The following GREM2 variants were observed in gnomAD, a reference collection of about 807,000 sequenced individuals.
GREM2 encodes gremlin 2, DAN family BMP antagonist.
GREM2 carries 11 observed loss-of-function variants against 14.2 expected under a neutral mutation model. That is an observed-to-expected ratio of 0.78 (90% CI 0.49 to 1.28). The LOEUF is 1.28. Among genes scored for constraint, GREM2 ranks in the 50% most tolerant of loss-of-function variants. GREM2 has a pLI of 0.00. For missense variants in GREM2, 210 were observed against 218.5 expected, an observed-to-expected ratio of 0.96 and a Z score of 0.24; for synonymous variants, 98 against 97.6, an observed-to-expected ratio of 1.00 and a Z score of -0.02.
intron 1 of GREM2, among the ~76,000 whole-genome samples, chr1:240,610,677 G>A (rs1006501719): frequency 6.6e-6 from 1 of 152,224 alleles, no homozygotes; most frequent in African/African-American, 2.4e-5. Flanking sequence ...AATTATCAGT[G>A]AATGGTTTGG....
chr1:240,553,416 C>A (rs1678894479), intron 1 of GREM2, among the ~76,000 whole-genome samples: 1 of 152,130 alleles, frequency 6.6e-6, no homozygotes, highest in African/African-American at 2.4e-5. Context: ...ATACAAATTT[C>A]TTTTGATATC....
chr1:240,533,936 T>A (rs957915898), intron 1 of GREM2, among the ~76,000 whole-genome samples: 3 of 152,198 alleles, frequency 2.0e-5, no homozygotes, highest in Admixed American at 1.3e-4. Flanking sequence ...GGAAAAATGT[T>A]ACTACTATTA....
chr1:240,593,018 C>T (rs1470987941), intron 1 of GREM2, among the ~76,000 whole-genome samples: 1 of 151,880 alleles, frequency 6.6e-6, no homozygotes, highest in South Asian at 2.1e-4. Flanking sequence ...GTAGTGGGCG[C>T]CTGTAATCCT....
chr1:240,580,263 G>A (rs940185469), intron 1 of GREM2, among the ~76,000 whole-genome samples: 1 of 152,096 alleles, frequency 6.6e-6, no homozygotes, highest in Non-Finnish European at 1.5e-5. Context: ...TTTTAAAGGT[G>A]CATGTTAATC....
intron 1 of GREM2, among the ~76,000 whole-genome samples, chr1:240,609,453 A>T (rs1571957486): frequency 6.6e-6 from 1 of 152,126 alleles, no homozygotes; most frequent in Middle Eastern, 3.4e-3. Context: ...ATTAGAAACA[A>T]AAGAACTATC....
At position 240,493,317 on chromosome 1, in the gene GREM2, C is replaced by T; in HGVS notation, c.159G>A (p.Leu53=). The change falls in exon 2 of 2, where the codon CTG becomes CTA. Residue 53 remains leucine (L), a synonymous_variant. Coordinates refer to ENST00000318160, the MANE Select transcript of GREM2 (RefSeq NM_022469.4). ...ERWQHQIKEV[L]ASSQEALVVT... ...CCACCAGGGCCTCCTGGCTGGAGGC[C>T]AGCACCTCCTTGATCTGGTGCTGCC... 2 of 1,614,058 alleles carry T rather than the reference C, an allele frequency of 1.2e-6. No individual in the cohort carries two copies. Among genetic ancestry groups the T allele is most frequent in the East Asian group, 2.2e-5 (1 of 44,822 alleles).
At chr1:240,525,242 T>G (rs1678195359) in intron 1 of GREM2, among the ~76,000 whole-genome samples, 1 of 152,154 alleles carries the variant, frequency 6.6e-6, no homozygotes, top group African/African-American at 2.4e-5. Flanking sequence ...GTGCTGTGTC[T>G]CCATGTAGGG....
chr1:240,516,705 G>C lies in GREM2; in HGVS notation c.-1-23229C>G, dbSNP rs74531118. Among the ~76,000 whole-genome samples the C allele has an allele frequency of 4.4e-4, 67 of 151,346 alleles. 1 individual carries two copies. The East Asian group carries it at 7.7e-3, about 17-fold the overall frequency. On this transcript the variant is annotated intron_variant, in intron 1 of 1. Coordinates refer to ENST00000318160, the MANE Select transcript of GREM2 (RefSeq NM_022469.4). ...CAACAACAAAAATCACCTACCTCCT[G>C]ATTTGTATTATTTCCCAATTATGAG...
At position 240,492,197 on chromosome 1, in the gene GREM2, T is replaced by C. The variant is rs938966004; in HGVS notation, c.*772A>G. The C allele has an allele frequency of 2.2e-6, 1 of 452,928 alleles. No homozygotes were observed. Among genetic ancestry groups the C allele is most frequent in the Middle Eastern group, 3.3e-4 (1 of 3,074 alleles). 28.1% of individuals were successfully genotyped at this position (452,928 alleles called of 1,614,324 possible). A position where few individuals can be genotyped will look rare whatever the true frequency, so the allele number is the denominator to read the frequency against. On this transcript the variant is annotated 3_prime_UTR_variant, in exon 2 of 2. Transcript: ENST00000318160. ...ATATAGAGACCTTTGTGTGTGATAA[T>C]ATTCTAATTGCAGCAATAATAGCAT...
At chr1:240,568,127 T>G (rs1679200394) in intron 1 of GREM2, among the ~76,000 whole-genome samples, 1 of 151,888 alleles carries the variant, frequency 6.6e-6, no homozygotes, top group Non-Finnish European at 1.5e-5. Context: ...AAAATAAAAA[T>G]AACGTATTGT....
At chr1:240,597,902 T>C (rs1679851555) in intron 1 of GREM2, among the ~76,000 whole-genome samples, 1 of 152,192 alleles carries the variant, frequency 6.6e-6, no homozygotes, top group Non-Finnish European at 1.5e-5. Context: ...TTTACACAGA[T>C]GGAAAATATA....
chr1:240,545,624 TC>T (rs1678701059), intron 1 of GREM2, among the ~76,000 whole-genome samples: 1 of 152,168 alleles, frequency 6.6e-6, no homozygotes, highest in South Asian at 2.1e-4. Flanking sequence ...AGCCCTCCCC[TC>T]ACCCTATGGG....
chr1:240,575,899 T>G (rs1310496707), intron 1 of GREM2, among the ~76,000 whole-genome samples: 3 of 113,224 alleles, frequency 2.6e-5, no homozygotes, highest in Non-Finnish European at 5.0e-5. Context: ...TGTGCTCTGC[T>G]GGAAAAAAAA....
chr1:240,552,320 C>A (rs1255770801), intron 1 of GREM2, among the ~76,000 whole-genome samples: 1 of 152,150 alleles, frequency 6.6e-6, no homozygotes, highest in Non-Finnish European at 1.5e-5. Context: ...GAGGCTTGTG[C>A]CTGTAATCCC....
chr1:240,521,446 C>T (rs1678091673), intron 1 of GREM2, among the ~76,000 whole-genome samples: 2 of 151,500 alleles, frequency 1.3e-5, no homozygotes, highest in African/African-American at 4.9e-5. Flanking sequence ...TGAGGGGCGA[C>T]TGTAGTCCCA....
At chr1:240,531,711 C>T (rs1312124888) in intron 1 of GREM2, 10 of 867,192 alleles carry the variant, frequency 1.2e-5, no homozygotes, top group East Asian at 2.3e-4. Context: ...TCTTTTTCTT[C>T]TTCTTTTTTT....
At chr1:240,554,094 T>A (rs1678906856) in intron 1 of GREM2, among the ~76,000 whole-genome samples, 1 of 152,134 alleles carries the variant, frequency 6.6e-6, no homozygotes, top group Non-Finnish European at 1.5e-5. Context: ...TTTTCCTCTT[T>A]TATTATTTAT....
intron 1 of GREM2, among the ~76,000 whole-genome samples, chr1:240,546,575 A>G (rs1678724953): frequency 6.6e-6 from 1 of 152,184 alleles, no homozygotes; most frequent in African/African-American, 2.4e-5. Flanking sequence ...CAAGCAATCT[A>G]TACGTAGTTG....
chr1:240,569,631 C>T (rs1679223580), intron 1 of GREM2, among the ~76,000 whole-genome samples: 1 of 152,162 alleles, frequency 6.6e-6, no homozygotes, highest in Non-Finnish European at 1.5e-5. Flanking sequence ...ATTGGAACAG[C>T]TGGCTATCCA....
Sources: gnomAD v4.1 joint callset for allele counts (sites outside exome capture counted in the v4.1 genomes callset) on GRCh38, gnomAD v4.1.1 for gene constraint, MANE v1.5 for transcripts, NCBI Gene and HGNC (gene_info 2026-07-23, HGNC 2026-07-21) for gene names.